The following RYR1 variants were observed in gnomAD, a reference collection of about 807,000 sequenced individuals.
RYR1 encodes central core disease of muscle.
Under a neutral mutation model 583.5 loss-of-function variants are expected in RYR1, and 342 were observed. That is an observed-to-expected ratio of 0.59 (90% CI 0.54 to 0.64). RYR1 has a LOEUF of 0.64. Ranked by LOEUF, RYR1 falls within the 30% of genes least tolerant of loss-of-function variation. The pLI, the probability that RYR1 is intolerant of heterozygous loss-of-function variation, is 0.00. For synonymous variants in RYR1, 2,791 were observed against 2,822.5 expected, an observed-to-expected ratio of 0.99 and a Z score of 0.35; for missense variants, 6,032 against 6,917.2, an observed-to-expected ratio of 0.87 and a Z score of 4.54.
intron 13 of RYR1, among the ~76,000 whole-genome samples, chr19:38,454,600 A>G (rs12980439): frequency 0.64 from 96,818 of 151,974 alleles, 31,352 homozygotes; most frequent in Middle Eastern, 0.73. Context: ...TGATGAAAAT[A>G]CTGTCACAGA....
At chr19:38,454,804 A>G (rs1479887631) in intron 13 of RYR1, among the ~76,000 whole-genome samples, 1 of 151,710 alleles carries the variant, frequency 6.6e-6, no homozygotes, top group Non-Finnish European at 1.5e-5. Context: ...AAAAAAGAAA[A>G]GAAAAGATAA....
At chr19:38,437,387 A>G (rs1296131632) in intron 1 of RYR1, among the ~76,000 whole-genome samples, 7 of 148,992 alleles carry the variant, frequency 4.7e-5, no homozygotes, top group Admixed American at 4.0e-4. Context: ...TTGAGAATCA[A>G]TGTGGTAATG....
chr19:38,576,428 G>C (rs1973958960), intron 97 of RYR1, among the ~76,000 whole-genome samples: 1 of 152,108 alleles, frequency 6.6e-6, no homozygotes, highest in South Asian at 2.1e-4. Flanking sequence ...CAGCCTGGGT[G>C]AAAGAGTGAG....
Position 38,469,452 on chromosome 19 carries a change from C to T in RYR1, c.3704C>T (p.Thr1235Ile). 2 of 1,614,172 alleles carry T rather than the reference C, an allele frequency of 1.2e-6. No individual in the cohort carries two copies. Among genetic ancestry groups the T allele is most frequent in the African/African-American group, 1.3e-5 (1 of 75,048 alleles). Residue 1235 changes from threonine to isoleucine, a missense_variant, in exon 27 of 106, where the codon ACC (threonine) becomes ATC (isoleucine). By Grantham distance (89) the Thr-to-Ile change is moderately conservative. Coordinates refer to ENST00000359596, the MANE Select transcript of RYR1 (RefSeq NM_000540.3). ...ATCAACATGCAGCGCCCAGTCACCACCTGGTTCAGCAAAGGCCTGCCCCAG... is the reference window on the plus strand; with the variant it reads ...ATCAACATGCAGCGCCCAGTCACCATCTGGTTCAGCAAAGGCCTGCCCCAG... Reference protein sequence around the residue: ...FAINMQRPVTTWFSKGLPQFE... With the variant: ...FAINMQRPVTIWFSKGLPQFE...
chr19:38,511,585 C>T lies in RYR1; in HGVS notation c.9147C>T (p.Leu3049=), dbSNP rs370445615. 31 of 1,613,966 alleles carry T rather than the reference C, an allele frequency of 1.9e-5. No homozygotes were observed. Among genetic ancestry groups the T allele is most frequent in the Non-Finnish European group, 2.4e-5 (28 of 1,180,050 alleles). ...ITSLFCKLAA[L]VRHRVSLFGT... ...GCCTCTTCTGCAAACTTGCTGCTCT[C>T]GTCCGCCACCGAGTCTCTCTCTTTG... The change falls in exon 61 of 106, where the codon CTC becomes CTT. Residue 3049 remains leucine (L), a synonymous_variant. Coordinates refer to ENST00000359596, the MANE Select transcript of RYR1 (RefSeq NM_000540.3).
chr19:38,482,933 A>G, intron 31 of RYR1, 94 bp from the exon 32 acceptor site: 1 of 1,067,786 alleles, frequency 9.4e-7, no homozygotes, highest in South Asian at 1.3e-5. Context: ...CGCCCAGATG[A>G]GGACCTACAA....
intron 8 of RYR1, 58 bp downstream of exon 8, chr19:38,446,623 C>T: frequency 1.2e-6 from 2 of 1,601,424 alleles, no homozygotes; most frequent in Non-Finnish European, 1.7e-6. Context: ...GGGCTGGGAC[C>T]CTATGAGTAG....
At chr19:38,441,342 G>C (rs3786828) in intron 2 of RYR1, among the ~76,000 whole-genome samples, 2 of 147,616 alleles carry the variant, frequency 1.4e-5, no homozygotes, top group African/African-American at 5.0e-5. Context: ...ATTTTTAAAA[G>C]TTTTTCAGGT....
intron 90 of RYR1, among the ~76,000 whole-genome samples, chr19:38,562,834 G>A (rs78775617): frequency 5.4e-4 from 82 of 152,178 alleles, no homozygotes; most frequent in African/African-American, 1.5e-3. Context: ...ATGCCGCCAC[G>A]CCCTCCTTAC....
chr19:38,537,189 C>T (rs1382563880), intron 83 of RYR1: 2 of 266,552 alleles, frequency 7.5e-6, no homozygotes, highest in Non-Finnish European at 7.3e-6. Context: ...ATCCACCAAC[C>T]GAATTGGTTG....
rs909425871 is a variant in RYR1 at position 38,444,067 on chromosome 19, C to T, written c.425-82C>T. On this transcript the variant is annotated intron_variant, in intron 5 of 105. Transcript: ENST00000359596. The surrounding 1 kb of genome is among the most constrained non-coding windows in gnomAD (Gnocchi z 5.1). ...AGTTGTGGGCCAAGGGCCCGGGAGG[C>T]CTGGTGGAGGGAGAGCCCTGGGGAA... 4 of 1,218,914 alleles carry T rather than the reference C, an allele frequency of 3.3e-6. No individual in the cohort carries two copies. The African/African-American group carries it at 6.0e-5, about 18-fold the overall frequency. The allele number at this position is 1,218,914 out of a possible 1,614,324, so 75.5% of individuals were successfully genotyped here. A position where few individuals can be genotyped will look rare whatever the true frequency, so the allele number is the denominator to read the frequency against.
intron 64 of RYR1, 22 bp downstream of exon 64, chr19:38,515,129 TTGGGGCTGGG>T: frequency 2.6e-6 from 4 of 1,555,884 alleles, no homozygotes; most frequent in Non-Finnish European, 3.5e-6. Context: ...GAGCCATCGT[TTGGGGCTGGG>T]TGGGGCTGGA....
chr19:38,436,396 G>T (rs987721831), intron 1 of RYR1, among the ~76,000 whole-genome samples: 10 of 151,762 alleles, frequency 6.6e-5, no homozygotes, highest in African/African-American at 2.2e-4. Context: ...TTTTGTAGAG[G>T]TGAGGTCTCA....
At chr19:38,528,832 C>T (rs1349878067) in intron 75 of RYR1, 119 bp from the exon 76 acceptor site, 2 of 1,427,582 alleles carry the variant, frequency 1.4e-6, no homozygotes, top group African/African-American at 2.8e-5. Context: ...TGAGTAGAAC[C>T]AAAGTAGGGC....
At chr19:38,448,836 A>G (rs1966929788) in intron 11 of RYR1, 23 bp downstream of exon 11, 1 of 1,603,514 alleles carries the variant, frequency 6.2e-7, no homozygotes, top group Non-Finnish European at 8.5e-7. Context: ...CCAGCTACTC[A>G]GGAGGCTGAG....
At chr19:38,534,600 T>C (rs1971883234) in intron 78 of RYR1, 120 bp from the exon 79 acceptor site, 3 of 816,044 alleles carry the variant, frequency 3.7e-6, no homozygotes, top group Non-Finnish European at 4.2e-6. Context: ...AGGGAGCTCA[T>C]GGTTGAAGGA....
At chr19:38,549,773 T>G (rs191034803) in intron 89 of RYR1, among the ~76,000 whole-genome samples, 2 of 135,228 alleles carry the variant, frequency 1.5e-5, no homozygotes, top group African/African-American at 5.6e-5. Flanking sequence ...TGGTGCAATC[T>G]CAGCTCAGTG....
intron 49 of RYR1, among the ~76,000 whole-genome samples, chr19:38,503,928 A>T (rs900200242): frequency 1.3e-5 from 2 of 152,118 alleles, no homozygotes; most frequent in African/African-American, 4.8e-5. Flanking sequence ...CTACATACCC[A>T]TGGATTAATA....
chr19:38,522,655 A>T (rs1037583471), intron 67 of RYR1, among the ~76,000 whole-genome samples: 18 of 151,942 alleles, frequency 1.2e-4, no homozygotes, highest in African/African-American at 1.7e-4. Context: ...TCGTTAAAAA[A>T]TTTTAAATGT....
Sources: gnomAD v4.1 joint callset for allele counts (sites outside exome capture counted in the v4.1 genomes callset) on GRCh38, gnomAD v4.1.1 for gene constraint, Gnocchi (gnomAD v3.1) non-coding constraint, MANE v1.5 for transcripts, NCBI Gene and HGNC (gene_info 2026-07-23, HGNC 2026-07-21) for gene names.